CYTH3: variants seen among roughly 807,000 people sequenced by gnomAD.
CYTH3 encodes cytohesin 3.
Under a neutral mutation model 55.1 loss-of-function variants are expected in CYTH3, and 23 were observed. The observed-to-expected ratio is 0.42, with a 90% CI of 0.30 to 0.59. CYTH3 has a LOEUF of 0.59. Among genes scored for constraint, CYTH3 ranks in the 20% least tolerant of loss-of-function variants. The pLI is 0.20. For missense variants in CYTH3, 413 were observed against 524.8 expected, an observed-to-expected ratio of 0.79 and a Z score of 2.08; for synonymous variants, 249 against 194.9, an observed-to-expected ratio of 1.28 and a Z score of -2.31.
chr7:6,267,695 T>C (rs978911536), intron 1 of CYTH3, among the ~76,000 whole-genome samples: 2 of 152,214 alleles, frequency 1.3e-5, no homozygotes, highest in East Asian at 1.9e-4. Context: ...GGCTAATTTT[T>C]GTATTTTTAG....
At chr7:6,176,761 C>T (rs1223240034) in intron 5 of CYTH3, among the ~76,000 whole-genome samples, 1 of 152,182 alleles carries the variant, frequency 6.6e-6, no homozygotes, top group Non-Finnish European at 1.5e-5. Context: ...CCGGGCTGAA[C>T]AGCAGTACTA....
chr7:6,220,241 G>A (rs1037449353), intron 1 of CYTH3, among the ~76,000 whole-genome samples: 1 of 152,070 alleles, frequency 6.6e-6, no homozygotes, highest in African/African-American at 2.4e-5. Flanking sequence ...GTCCAATGCA[G>A]AACAGATATT....
At chr7:6,259,810 T>C (rs1780292624) in intron 1 of CYTH3, among the ~76,000 whole-genome samples, 1 of 29,992 alleles carries the variant, frequency 3.3e-5, no homozygotes, top group Admixed American at 6.1e-4. Flanking sequence ...TATATATATA[T>C]ATAATATATA....
intron 9 of CYTH3, among the ~76,000 whole-genome samples, chr7:6,166,677 G>C (rs1783019672): frequency 4.6e-5 from 7 of 152,188 alleles, no homozygotes. Context: ...CAGAGACCCT[G>C]GGTGAGGAGG....
At chr7:6,194,915 C>T (rs987657253) in intron 1 of CYTH3, among the ~76,000 whole-genome samples, 1 of 151,946 alleles carries the variant, frequency 6.6e-6, no homozygotes, top group African/African-American at 2.4e-5. Flanking sequence ...GTGGAAGTTG[C>T]AGTGAGCCGA....
chr7:6,164,679 A>AC lies in CYTH3; in HGVS notation c.*264dup, dbSNP rs1198462587. The AC allele has an allele frequency of 1.1e-5, 6 of 529,466 alleles. No homozygotes were observed. Among genetic ancestry groups the AC allele is most frequent in the African/African-American group, 7.7e-5 (4 of 51,924 alleles). The allele number at this position is 529,466 out of a possible 1,614,324, so 32.8% of individuals were successfully genotyped here. On this transcript the variant is annotated 3_prime_UTR_variant, in exon 13 of 13. Transcript: ENST00000350796. ...TTCTGGACATGCGCAGCCGACCATG[A>AC]CCCCAGCCACGGCAGGAGGCCTCGA...
At chr7:6,182,506 C>T (rs1783529155) in intron 4 of CYTH3, among the ~76,000 whole-genome samples, 1 of 152,156 alleles carries the variant, frequency 6.6e-6, no homozygotes, top group South Asian at 2.1e-4. Context: ...GCCACCACAT[C>T]TGGCTTGATA....
At chr7:6,229,207 C>T (rs1220971776) in intron 1 of CYTH3, among the ~76,000 whole-genome samples, 1 of 152,244 alleles carries the variant, frequency 6.6e-6, no homozygotes. Context: ...TGCTTCTCTT[C>T]ATCTGCTACT....
chr7:6,267,502 C>T (rs948503584), intron 1 of CYTH3, among the ~76,000 whole-genome samples: 1 of 152,154 alleles, frequency 6.6e-6, no homozygotes, highest in African/African-American at 2.4e-5. Flanking sequence ...TTGCATATCA[C>T]ATTATCTTTT....
intron 1 of CYTH3, among the ~76,000 whole-genome samples, chr7:6,232,606 T>G (rs1779415217): frequency 6.6e-6 from 1 of 152,050 alleles, no homozygotes; most frequent in Non-Finnish European, 1.5e-5. Context: ...ACAGACAATT[T>G]GGAAATCATT....
rs115550869 is a variant in CYTH3 at position 6,176,860 on chromosome 7, G to C, written c.368+963C>G. Among the ~76,000 whole-genome samples, 1,166 of 152,172 alleles carry C rather than the reference G, an allele frequency of 7.7e-3. 19 individuals are homozygous for C. The highest frequency in any genetic ancestry group is 0.027 in the African/African-American group (1,106 of 41,532). On this transcript the variant is annotated intron_variant, in intron 5 of 12. Coordinates refer to ENST00000350796, the MANE Select transcript of CYTH3 (RefSeq NM_004227.4). The stretch of plus-strand genomic sequence containing the variant: ...GATGTTAAAGTGGGGTTTTTTATAG[G>C]TACCCTCCATCATGTTGAAGAAGTT...
intron 1 of CYTH3, among the ~76,000 whole-genome samples, chr7:6,213,900 T>A (rs1450029683): frequency 6.6e-6 from 1 of 152,170 alleles, no homozygotes; most frequent in African/African-American, 2.4e-5. Context: ...GTTTCAGTGC[T>A]TCTCAGCCAC....
At chr7:6,259,303 T>A (rs1780216859) in intron 1 of CYTH3, among the ~76,000 whole-genome samples, 1 of 152,200 alleles carries the variant, frequency 6.6e-6, no homozygotes, top group Admixed American at 6.5e-5. Flanking sequence ...CATAAGTTTT[T>A]CAAAAGAAGA....
Position 6,207,983 on chromosome 7 carries a change from A to T in CYTH3, c.35-17452T>A, listed in dbSNP as rs184087504. Among the ~76,000 whole-genome samples, 17 of 151,898 alleles carry T rather than the reference A, an allele frequency of 1.1e-4. No homozygotes were observed. In the East Asian group the frequency reaches 2.5e-3, roughly 22 times the overall value. On this transcript the variant is annotated intron_variant, in intron 1 of 12. Coordinates refer to ENST00000350796, the MANE Select transcript of CYTH3 (RefSeq NM_004227.4). ...GGGGGGAAAGGTGTTAGAAGCAGATAAAAAAAACGATTAATAACTGTTCTA... is the reference window on the plus strand; with the variant it reads ...GGGGGGAAAGGTGTTAGAAGCAGATTAAAAAAACGATTAATAACTGTTCTA...
intron 2 of CYTH3, 111 bp downstream of exon 2, chr7:6,190,338 G>C (rs376960394): frequency 1.2e-6 from 1 of 804,748 alleles, no homozygotes; most frequent in Non-Finnish European, 1.7e-6. Flanking sequence ...GTTATTTTTT[G>C]TTTTTGGGTT....
rs535847871 is a variant in CYTH3 at position 6,190,474 on chromosome 7, T to G, written c.92A>C (p.Lys31Thr). 6.6e-7 allele frequency: 1 copy of G among 1,521,156 alleles called. No individual in the cohort carries two copies. Among genetic ancestry groups the G allele is most frequent in the South Asian group, 1.3e-5 (1 of 79,960 alleles). The allele number at this position is 1,521,156 out of a possible 1,614,324, so 94.2% of individuals were successfully genotyped here. ...REELLDIRRR[K>T]KELIDDIERL... ...CTCAATGTCATCAATAAGTTCCTTT[T>G]TTCTTCGACGAATGTCTAGAAGTTC... The change falls in exon 2 of 13, where the codon AAA (lysine) becomes ACA (threonine). Residue 31 changes from lysine (K) to threonine (T), a missense_variant. By Grantham distance (78) the Lys-to-Thr change is moderately conservative. Transcript: ENST00000350796.
chr7:6,184,837 T>A (rs898054418), intron 4 of CYTH3, among the ~76,000 whole-genome samples: 3 of 151,972 alleles, frequency 2.0e-5, no homozygotes, highest in Non-Finnish European at 4.4e-5. Flanking sequence ...CTGGGCCTCC[T>A]AAAGTGCTGG....
intron 1 of CYTH3, among the ~76,000 whole-genome samples, chr7:6,261,076 A>C (rs1780340376): frequency 6.6e-6 from 1 of 152,230 alleles, no homozygotes; most frequent in Non-Finnish European, 1.5e-5. Context: ...AAGGCATCAG[A>C]GAGCTACCCA....
chr7:6,186,462 T>G (rs141692234), intron 4 of CYTH3, among the ~76,000 whole-genome samples: 3 of 152,294 alleles, frequency 2.0e-5, no homozygotes, highest in East Asian at 3.9e-4. Context: ...AGCTACATGT[T>G]TCAGGTTTCA....
Sources: gnomAD v4.1 joint callset for allele counts (sites outside exome capture counted in the v4.1 genomes callset) on GRCh38, gnomAD v4.1.1 for gene constraint, MANE v1.5 for transcripts, NCBI Gene and HGNC (gene_info 2026-07-23, HGNC 2026-07-21) for gene names.